DCDC2C: variants seen among roughly 807,000 people sequenced by gnomAD.
DCDC2C encodes doublecortin domain-containing protein 2C.
Under a neutral mutation model 45.0 loss-of-function variants are expected in DCDC2C, and 44 were observed. That is an observed-to-expected ratio of 0.98 (90% CI 0.77 to 1.26). DCDC2C has a LOEUF of 1.26. DCDC2C is among the 50% of genes most tolerant of loss of function. The probability of loss-of-function intolerance (pLI) is 0.00; values close to 1 mark genes in which losing one functional copy is unlikely to be tolerated. For synonymous variants in DCDC2C, 187 were observed against 178.8 expected, an observed-to-expected ratio of 1.05 and a Z score of -0.37; for missense variants, 447 against 468.9, an observed-to-expected ratio of 0.95 and a Z score of 0.43.
chr2:3,709,426 A>T (rs755712139), intron 2 of DCDC2C, among the ~76,000 whole-genome samples: 20 of 152,216 alleles, frequency 1.3e-4, no homozygotes, highest in Non-Finnish European at 2.8e-4. Flanking sequence ...AGCATCACCC[A>T]GAGCTCCATG....
chr2:3,842,681 C>T (rs947681580), intron 10 of DCDC2C, among the ~76,000 whole-genome samples: 1 of 149,158 alleles, frequency 6.7e-6, no homozygotes, highest in Non-Finnish European at 1.5e-5. Flanking sequence ...AGTGGCTTTA[C>T]ACAATAAATC....
chr2:3,733,855 C>T (rs1398980675), intron 3 of DCDC2C, among the ~76,000 whole-genome samples: 1 of 152,192 alleles, frequency 6.6e-6, no homozygotes, highest in Non-Finnish European at 1.5e-5. Context: ...GAGGTTGAAT[C>T]ATCCCACCAG....
Position 3,707,904 on chromosome 2 carries a change from A to G in DCDC2C, c.288-645A>G, listed in dbSNP as rs79382052. Reference sequence around the variant, plus strand: ...AAAACAATAACAATCTCAAATACATATTTTTTTAATCAGGAAGAAACCTTA... The same window carrying G: ...AAAACAATAACAATCTCAAATACATGTTTTTTTAATCAGGAAGAAACCTTA... On this transcript the variant is annotated intron_variant, in intron 1 of 10. Coordinates refer to ENST00000399143, the MANE Select transcript of DCDC2C (RefSeq NM_001287444.2). Among the ~76,000 whole-genome samples the G allele has an allele frequency of 2.0e-5, 3 of 152,152 alleles. No individual in the cohort carries two copies. The East Asian group carries it at 5.8e-4, about 29-fold the overall frequency.
chr2:3,760,111 A>G (rs1558213699), intron 6 of DCDC2C, among the ~76,000 whole-genome samples: 1 of 152,132 alleles, frequency 6.6e-6, no homozygotes, highest in East Asian at 1.9e-4. Flanking sequence ...CTGTCATCAG[A>G]CTTCCTTCCA....
chr2:3,805,245 G>A (rs1671209740), intron 10 of DCDC2C, among the ~76,000 whole-genome samples: 1 of 152,248 alleles, frequency 6.6e-6, no homozygotes, highest in South Asian at 2.1e-4. Flanking sequence ...ACCATGGAGA[G>A]AGGTGCTATT....
At chr2:3,750,994 C>T (rs574520971) in intron 4 of DCDC2C, among the ~76,000 whole-genome samples, 7 of 152,310 alleles carry the variant, frequency 4.6e-5, no homozygotes, top group South Asian at 2.1e-4. Flanking sequence ...GTCCATTCTA[C>T]GACTCACCCC....
At chr2:3,750,245 C>G (rs903434972) in intron 4 of DCDC2C, among the ~76,000 whole-genome samples, 60 of 152,144 alleles carry the variant, frequency 3.9e-4, no homozygotes, top group African/African-American at 1.4e-3. Context: ...CAGCCCCTAT[C>G]GCATGGCTAT....
At chr2:3,756,741 A>G (rs1177588595) in intron 6 of DCDC2C, among the ~76,000 whole-genome samples, 1 of 152,212 alleles carries the variant, frequency 6.6e-6, no homozygotes, top group East Asian at 1.9e-4. Flanking sequence ...ATGTTTTGCC[A>G]GGTTTTATTG....
intron 3 of DCDC2C, among the ~76,000 whole-genome samples, chr2:3,731,265 C>A (rs1477938571): frequency 6.6e-6 from 1 of 152,166 alleles, no homozygotes; most frequent in Non-Finnish European, 1.5e-5. Flanking sequence ...GCTTCCCATC[C>A]ACTAATGCTT....
intron 6 of DCDC2C, 122 bp from the exon 7 acceptor site, chr2:3,767,632 G>A: frequency 8.8e-7 from 1 of 1,132,886 alleles, no homozygotes; most frequent in South Asian, 1.6e-5. Context: ...GGAGGTGCCT[G>A]AGTTTCCTCC....
intron 2 of DCDC2C, among the ~76,000 whole-genome samples, chr2:3,717,684 C>T (rs769015748): frequency 4.6e-5 from 7 of 152,166 alleles, no homozygotes; most frequent in Non-Finnish European, 8.8e-5. Flanking sequence ...GAGGTGAAGT[C>T]TGCACTAGTT....
intron 3 of DCDC2C, among the ~76,000 whole-genome samples, chr2:3,727,936 C>T (rs1668743297): frequency 6.6e-6 from 1 of 152,190 alleles, no homozygotes. Context: ...GGCAGCTCTT[C>T]CCCCTGTCCT....
intron 8 of DCDC2C, among the ~76,000 whole-genome samples, chr2:3,773,451 C>T (rs943346452): frequency 3.3e-5 from 5 of 152,060 alleles, no homozygotes; most frequent in East Asian, 1.9e-4. Flanking sequence ...GCCTGCTGCC[C>T]GATAAGCTTT....
At chr2:3,790,656 T>G (rs1670779536) in intron 10 of DCDC2C, among the ~76,000 whole-genome samples, 1 of 152,248 alleles carries the variant, frequency 6.6e-6, no homozygotes, top group Non-Finnish European at 1.5e-5. Context: ...CTTTATTATG[T>G]TGATACTACT....
intron 4 of DCDC2C, among the ~76,000 whole-genome samples, chr2:3,746,965 G>A (rs924211119): frequency 6.6e-6 from 1 of 152,120 alleles, no homozygotes; most frequent in East Asian, 1.9e-4. Flanking sequence ...CTGGGAGCGA[G>A]GAGGTGTGAG....
At chr2:3,727,663 G>C (rs1231941943) in intron 3 of DCDC2C, among the ~76,000 whole-genome samples, 4 of 152,246 alleles carry the variant, frequency 2.6e-5, no homozygotes, top group Non-Finnish European at 5.9e-5. Context: ...GGATAGTTGT[G>C]AGCACTGTGT....
chr2:3,835,470 C>A (rs562232982), intron 10 of DCDC2C, among the ~76,000 whole-genome samples: 2 of 152,134 alleles, frequency 1.3e-5, no homozygotes, highest in Admixed American at 6.5e-5. Flanking sequence ...TGACATCAGG[C>A]GACATCCTGG....
chr2:3,711,719 T>A (rs1459519642), intron 2 of DCDC2C, among the ~76,000 whole-genome samples: 1 of 136,794 alleles, frequency 7.3e-6, no homozygotes, highest in African/African-American at 3.7e-5. Flanking sequence ...TAAACAGTGA[T>A]GTAATGTAAT....
intron 9 of DCDC2C, among the ~76,000 whole-genome samples, chr2:3,779,775 C>CTT (rs35688291): frequency 3.4e-4 from 52 of 151,566 alleles, no homozygotes; most frequent in African/African-American, 1.2e-3. Context: ...CCGGGAGTCA[C>CTT]TTTTTTTTGC....
Sources: gnomAD v4.1 joint callset for allele counts (sites outside exome capture counted in the v4.1 genomes callset) on GRCh38, gnomAD v4.1.1 for gene constraint, MANE v1.5 for transcripts, NCBI Gene and HGNC (gene_info 2026-07-23, HGNC 2026-07-21) for gene names.